Variants in SNTB2 observed in about 807,000 individuals in gnomAD.
The protein encoded by SNTB2 is syntrophin beta 2, also known as beta-2-syntrophin.
Under a neutral mutation model 46.2 loss-of-function variants are expected in SNTB2, and 34 were observed. That is an observed-to-expected ratio of 0.74 (90% CI 0.56 to 0.98). The LOEUF (loss-of-function observed/expected upper bound fraction) is 0.98. Among genes scored for constraint, SNTB2 ranks in the 50% least tolerant of loss-of-function variants. The pLI is 0.00. For synonymous variants in SNTB2, 290 were observed against 312.6 expected (o/e 0.93, Z 0.76); for missense variants, 603 against 731.4 (o/e 0.82, Z 2.02).
intron 2 of SNTB2, among the ~76,000 whole-genome samples, chr16:69,249,500 C>A (rs1964705082): frequency 6.6e-6 from 1 of 152,178 alleles, no homozygotes; most frequent in Non-Finnish European, 1.5e-5. Context: ...GCTACTTCGT[C>A]ATTCACTAAG....
chr16:69,293,611 G>C (rs894515127), intron 5 of SNTB2, among the ~76,000 whole-genome samples: 1 of 152,186 alleles, frequency 6.6e-6, no homozygotes, highest in Non-Finnish European at 1.5e-5. Context: ...GGAGGAGAGA[G>C]GGGGAGTGGT....
chr16:69,248,757 T>C (rs534081149), intron 2 of SNTB2, among the ~76,000 whole-genome samples: 1 of 151,690 alleles, frequency 6.6e-6, no homozygotes, highest in Admixed American at 6.6e-5. Flanking sequence ...GCCAGGAGTT[T>C]AAGACCAGCT....
At chr16:69,246,961 G>A (rs1188112223) in intron 2 of SNTB2, among the ~76,000 whole-genome samples, 2 of 150,038 alleles carry the variant, frequency 1.3e-5, no homozygotes, top group Non-Finnish European at 3.0e-5. Context: ...TGACGAGTTA[G>A]TGGGTGCAGC....
At position 69,190,317 on chromosome 16, in the gene SNTB2, A is replaced by G. The variant is rs112828720; in HGVS notation, c.580+2571A>G. Among the ~76,000 whole-genome samples, 968 of 152,342 alleles carry G rather than the reference A, an allele frequency of 6.4e-3. 12 individuals carry two copies. Among genetic ancestry groups the G allele is most frequent in the African/African-American group, 0.021 (861 of 41,574 alleles). On this transcript the variant is annotated intron_variant, in intron 1 of 6. Transcript: ENST00000336278. ...TCAGGCACACTTTTGCCAATCCCAC[A>G]CCAGGGAAAGCTATAGTCTTTGGTT... is the stretch of plus-strand genomic sequence containing the variant.
intron 5 of SNTB2, among the ~76,000 whole-genome samples, chr16:69,292,435 T>TATATCATA (rs1291261454): frequency 9.5e-5 from 1 of 10,496 alleles, no homozygotes; most frequent in Non-Finnish European, 1.7e-4. Flanking sequence ...TATATATATA[T>TATATCATA]TATATATATA....
intron 5 of SNTB2, among the ~76,000 whole-genome samples, chr16:69,289,856 A>G (rs1433375016): frequency 6.6e-6 from 1 of 152,144 alleles, no homozygotes; most frequent in Non-Finnish European, 1.5e-5. Context: ...CGAGAGGTCA[A>G]GGATTCAGTG....
intron 1 of SNTB2, among the ~76,000 whole-genome samples, chr16:69,212,012 C>G (rs1315631101): frequency 6.6e-6 from 1 of 152,180 alleles, no homozygotes; most frequent in Non-Finnish European, 1.5e-5. Flanking sequence ...ACAGCCAAGA[C>G]TACCTTTCAT....
chr16:69,273,557 G>A (rs1964957871), intron 4 of SNTB2, among the ~76,000 whole-genome samples: 1 of 152,176 alleles, frequency 6.6e-6, no homozygotes, highest in African/African-American at 2.4e-5. Context: ...GTAGATTAGT[G>A]GTTGCCGGCG....
chr16:69,194,743 G>A (rs1964087156), intron 1 of SNTB2, among the ~76,000 whole-genome samples: 1 of 152,114 alleles, frequency 6.6e-6, no homozygotes, highest in African/African-American at 2.4e-5. Context: ...AGGGAATGGG[G>A]CAATTTTCCT....
At chr16:69,201,703 A>G (rs1308411125) in intron 1 of SNTB2, among the ~76,000 whole-genome samples, 2 of 152,188 alleles carry the variant, frequency 1.3e-5, no homozygotes, top group African/African-American at 4.8e-5. Flanking sequence ...AAAAACCAAA[A>G]ATGTTTGAGA....
rs10163378 is a variant in SNTB2 at position 69,248,588 on chromosome 16, C to T, written c.794+2773C>T. 2.5e-3 allele frequency among the ~76,000 whole-genome samples: 375 copies of T among 152,176 alleles called. 2 individuals carry two copies. The highest frequency in any genetic ancestry group is 6.8e-3 in the African/African-American group (284 of 41,508). On this transcript the variant is annotated intron_variant, in intron 2 of 6. Transcript: ENST00000336278. ...CAGAGGTTGTAGTGAGCCGAGATTG[C>T]GCCTCTGCACTCCAGTCTGGGTGAC...
At chr16:69,298,192 G>T (rs1447782901) in intron 5 of SNTB2, among the ~76,000 whole-genome samples, 2 of 152,070 alleles carry the variant, frequency 1.3e-5, no homozygotes, top group African/African-American at 4.8e-5. Context: ...CCTGCCTCCT[G>T]CCTTAGCCTC....
rs1168215996 is a variant in SNTB2 at position 69,307,852 on chromosome 16, C to G, written c.*6928C>G. On this transcript the variant is annotated 3_prime_UTR_variant, in exon 7 of 7. Coordinates refer to ENST00000336278, the MANE Select transcript of SNTB2 (RefSeq NM_006750.4). ...AAAAATTAACAAAATTTCACTTATT[C>G]CAGGACACGCTGGCATTTGGACTCA... The G allele has an allele frequency of 6.6e-6, 1 of 151,948 alleles. No individual in the cohort carries two copies. Among genetic ancestry groups the G allele is most frequent in the African/African-American group, 2.4e-5 (1 of 41,354 alleles). The allele number at this position is 151,948 out of a possible 1,614,324, so 9.4% of individuals were successfully genotyped here.
intron 2 of SNTB2, among the ~76,000 whole-genome samples, chr16:69,253,907 G>T (rs1382719739): frequency 6.6e-6 from 1 of 152,132 alleles, no homozygotes; most frequent in South Asian, 2.1e-4. Context: ...GATGTGTAAA[G>T]ACTTTCAGAA....
Position 69,252,690 on chromosome 16 carries a change from T to C in SNTB2, c.794+6875T>C, listed in dbSNP as rs146702279. ...AATCCTGTGTACCTAAACATTGATT[T>C]GATTCATCTGATCAAAATGTTAATT... On this transcript the variant is annotated intron_variant, in intron 2 of 6. Transcript: ENST00000336278. Among the ~76,000 whole-genome samples, 903 of 152,344 alleles carry C rather than the reference T, an allele frequency of 5.9e-3. 6 individuals are homozygous for C. Among genetic ancestry groups the C allele is most frequent in the Middle Eastern group, 0.014 (4 of 294 alleles).
At chr16:69,290,687 A>G (rs1965151839) in intron 5 of SNTB2, among the ~76,000 whole-genome samples, 1 of 152,210 alleles carries the variant, frequency 6.6e-6, no homozygotes, top group Admixed American at 6.5e-5. Context: ...AGTAGGAAGG[A>G]CAGAAACCAA....
At chr16:69,224,714 TCTC>T (rs754029811) in intron 1 of SNTB2, among the ~76,000 whole-genome samples, 13 of 152,362 alleles carry the variant, frequency 8.5e-5, no homozygotes, top group Non-Finnish European at 1.5e-4. Flanking sequence ...AGCTGGCCCT[TCTC>T]CTCCATTTAT....
At position 69,299,290 on chromosome 16, in the gene SNTB2, C is replaced by T. The variant is rs538828071; in HGVS notation, c.1346-300C>T. The stretch of plus-strand genomic sequence containing the variant: ...CCTGAGTAGCTGGGATTACAGGCAC[C>T]CGCCACCACACCCAGCTAATTTTTA... On this transcript the variant is annotated intron_variant, in intron 5 of 6. Coordinates refer to ENST00000336278, the MANE Select transcript of SNTB2 (RefSeq NM_006750.4). Among the ~76,000 whole-genome samples, 4 of 151,832 alleles carry T rather than the reference C, an allele frequency of 2.6e-5. No individual in the cohort carries two copies. The South Asian group carries it at 6.2e-4, about 24-fold the overall frequency.
intron 1 of SNTB2, among the ~76,000 whole-genome samples, chr16:69,242,798 G>A (rs1964630906): frequency 6.6e-6 from 1 of 152,120 alleles, no homozygotes; most frequent in African/African-American, 2.4e-5. Context: ...AAGGCGGGTG[G>A]ATCACGAGGT....
Sources: allele counts gnomAD v4.1 joint callset (sites outside exome capture counted in the v4.1 genomes callset), GRCh38; gene constraint gnomAD v4.1.1; transcripts MANE v1.5; gene names NCBI Gene and HGNC (gene_info 2026-07-23, HGNC 2026-07-21).